The following LRBA variants were observed in gnomAD, a reference collection of about 807,000 sequenced individuals.
The protein encoded by LRBA is LPS responsive beige-like anchor protein.
LRBA carries 176 observed loss-of-function variants against 330.0 expected under a neutral mutation model. The ratio of observed to expected loss-of-function variants is 0.53; its 90% CI spans 0.47 to 0.60. The LOEUF (loss-of-function observed/expected upper bound fraction) is 0.60. LRBA is among the 20% of genes least tolerant of loss of function. The probability of loss-of-function intolerance (pLI) is 0.00; values close to 1 mark genes in which losing one functional copy is unlikely to be tolerated. For synonymous variants in LRBA, 1,230 were observed against 1,193.0 expected, an observed-to-expected ratio of 1.03 and a Z score of -0.64; for missense variants, 3,259 against 3,444.8, an observed-to-expected ratio of 0.95 and a Z score of 1.35.
At chr4:150,597,304 G>T (rs955029326) in intron 38 of LRBA, among the ~76,000 whole-genome samples, 1 of 151,712 alleles carries the variant, frequency 6.6e-6, no homozygotes, top group Non-Finnish European at 1.5e-5. Flanking sequence ...ATGATTTTAA[G>T]AGCTCAACAA....
intron 2 of LRBA, among the ~76,000 whole-genome samples, chr4:150,996,372 A>G (rs770657108): frequency 2.0e-5 from 3 of 152,182 alleles, no homozygotes; most frequent in Non-Finnish European, 2.9e-5. Flanking sequence ...CCTCAGACTA[A>G]GGTATTGCCT....
chr4:150,316,970 C>T (rs972098869), intron 50 of LRBA, among the ~76,000 whole-genome samples: 11 of 152,074 alleles, frequency 7.2e-5, no homozygotes, highest in African/African-American at 2.7e-4. Context: ...ATTTTTACAC[C>T]AAATATGAGT....
chr4:150,285,936 G>A lies in LRBA; in HGVS notation c.8116C>T (p.Gln2706Ter). Residue 2706 changes from glutamine to a stop codon, truncating the protein, a stop_gained, in exon 54 of 57, where the codon CAA becomes TAA. Transcript: ENST00000651943. LOFTEE classifies it high-confidence loss of function. ...TGTGAAGGTACCACAGGTTTACCTT[G>A]TGAACCACTCAACACCAGGCCTAGC... ...AELGLVLSGS[Q>*]EGPCLIHSMN... is the part of the protein sequence containing the mutation. 6.4e-7 allele frequency: 1 copy of A among 1,565,486 alleles called. No homozygotes were observed. Among genetic ancestry groups the A allele is most frequent in the Non-Finnish European group, 8.6e-7 (1 of 1,160,240 alleles).
chr4:150,391,921 A>C (rs953945833), intron 47 of LRBA, among the ~76,000 whole-genome samples: 5 of 145,052 alleles, frequency 3.4e-5, no homozygotes, highest in African/African-American at 1.0e-4. Flanking sequence ...CTGTCATCTG[A>C]GTAACATAAA....
Position 150,490,945 on chromosome 4 carries a change from C to T in LRBA, c.6421G>A (p.Ala2141Thr), listed in dbSNP as rs1430389442. Residue 2141 changes from alanine to threonine, a missense_variant, in exon 41 of 57, where the codon GCC becomes ACC. By Grantham distance (58) the Ala-to-Thr change is moderately conservative. Coordinates refer to ENST00000651943, the MANE Select transcript of LRBA (RefSeq NM_001364905.1). ...FSRRYLLQNT[A>T]LEIFMANRVA... The stretch of plus-strand genomic sequence containing the variant: ...CTGTTTGCCATAAAGATCTCCAGGG[C>T]TGTATTTTGCAAAAGATAACGACGA... The T allele has an allele frequency of 1.2e-6, 2 of 1,607,550 alleles. No homozygotes were observed. The highest frequency in any genetic ancestry group is 1.3e-5 in the African/African-American group (1 of 74,754).
Position 150,270,172 on chromosome 4 carries a change from T to C in LRBA, c.8469-4360A>G, listed in dbSNP as rs528982528. ...AACACTTTAGGGTTTCCTCAAAAAG[T>C]CAAACGGAATTGCCATATAACCCAG... On this transcript the variant is annotated intron_variant, in intron 56 of 56. Coordinates refer to ENST00000651943, the MANE Select transcript of LRBA (RefSeq NM_001364905.1). 2.0e-5 allele frequency among the ~76,000 whole-genome samples: 3 copies of C among 152,136 alleles called. No individual in the cohort carries two copies. In the South Asian group the frequency reaches 6.2e-4, roughly 32 times the overall value.
At chr4:150,665,581 T>C (rs1014244382) in intron 37 of LRBA, among the ~76,000 whole-genome samples, 2 of 152,178 alleles carry the variant, frequency 1.3e-5, no homozygotes, top group African/African-American at 4.8e-5. Flanking sequence ...CTACAACCAC[T>C]GGTCTAATTT....
intron 26 of LRBA, among the ~76,000 whole-genome samples, chr4:150,845,513 C>T (rs1187597698): frequency 6.6e-6 from 1 of 152,128 alleles, no homozygotes; most frequent in African/African-American, 2.4e-5. Context: ...CTATGAATTG[C>T]TTGATACCAT....
Position 150,647,982 on chromosome 4 carries a change from G to A in LRBA, c.5921+35569C>T, listed in dbSNP as rs190562887. 6.7e-3 allele frequency among the ~76,000 whole-genome samples: 1,008 copies of A among 151,196 alleles called. 3 individuals carry two copies. Among genetic ancestry groups the A allele is most frequent in the Non-Finnish European group, 0.011 (739 of 67,746 alleles). Reference sequence around the variant, plus strand: ...TGTTTACTATATTCAATTATCCAGTGAGTAACTTGTAATTCAATGTTCTGA... The same window carrying A: ...TGTTTACTATATTCAATTATCCAGTAAGTAACTTGTAATTCAATGTTCTGA... On this transcript the variant is annotated intron_variant, in intron 37 of 56. Coordinates refer to ENST00000651943, the MANE Select transcript of LRBA (RefSeq NM_001364905.1).
chr4:150,395,565 T>G (rs1056624550), intron 47 of LRBA, among the ~76,000 whole-genome samples: 7 of 152,292 alleles, frequency 4.6e-5, no homozygotes, highest in Non-Finnish European at 8.8e-5. Context: ...ATCTTCCTAA[T>G]GAATAAATTA....
chr4:150,948,108 T>C (rs1736429375), intron 2 of LRBA, among the ~76,000 whole-genome samples: 1 of 152,034 alleles, frequency 6.6e-6, no homozygotes, highest in Admixed American at 6.6e-5. Flanking sequence ...AGCAAGACTT[T>C]TGCAGATATA....
rs151279775 is a variant in LRBA, at chr4:150,965,424, A to G, written c.217-36359T>C. Among the ~76,000 whole-genome samples, 541 of 152,350 alleles carry G rather than the reference A, an allele frequency of 3.6e-3. 1 individual carries two copies. The highest frequency in any genetic ancestry group is 0.01 in the Middle Eastern group (3 of 294). ...TCTGTACAATGAACAAGTGAAACAT[A>G]CAAGTATTTACATTAGTTTATAAAA... On this transcript the variant is annotated intron_variant, in intron 2 of 56. Coordinates refer to ENST00000651943, the MANE Select transcript of LRBA (RefSeq NM_001364905.1).
At chr4:150,964,978 C>T (rs1055809944) in intron 2 of LRBA, among the ~76,000 whole-genome samples, 1 of 152,132 alleles carries the variant, frequency 6.6e-6, no homozygotes, top group Admixed American at 6.5e-5. Context: ...CTGGCAAAAA[C>T]CACAGCTGCT....
intron 31 of LRBA, among the ~76,000 whole-genome samples, chr4:150,810,130 A>T (rs1484127197): frequency 2.0e-5 from 3 of 152,142 alleles, no homozygotes; most frequent in Non-Finnish European, 4.4e-5. Context: ...GCAATTTTGA[A>T]CTTTCCTGAA....
At chr4:150,922,394 G>GGATATATA (rs370959649) in intron 4 of LRBA, among the ~76,000 whole-genome samples, 2 of 139,708 alleles carry the variant, frequency 1.4e-5, no homozygotes, top group Non-Finnish European at 3.1e-5. Context: ...AGAAACTGTG[G>GGATATATA]TATATATATA....
chr4:150,893,434 T>C (rs1049543686), intron 16 of LRBA, among the ~76,000 whole-genome samples: 3 of 152,148 alleles, frequency 2.0e-5, no homozygotes, highest in East Asian at 1.9e-4. Flanking sequence ...CACTGCAACC[T>C]CTGCCTCCCA....
chr4:150,644,648 A>G (rs1778966952), intron 37 of LRBA, among the ~76,000 whole-genome samples: 1 of 151,954 alleles, frequency 6.6e-6, no homozygotes, highest in Non-Finnish European at 1.5e-5. Context: ...GATGTTACCT[A>G]CATAATGTTC....
chr4:150,374,153 T>C (rs1012513619), intron 47 of LRBA, among the ~76,000 whole-genome samples: 10 of 152,200 alleles, frequency 6.6e-5, no homozygotes, highest in Admixed American at 6.5e-4. Flanking sequence ...CTCTCCCTTT[T>C]ATGTACGGAT....
intron 55 of LRBA, among the ~76,000 whole-genome samples, chr4:150,279,335 T>G (rs991441233): frequency 3.9e-5 from 6 of 152,158 alleles, no homozygotes; most frequent in African/African-American, 1.4e-4. Flanking sequence ...GCCTGGTACC[T>G]CCAAGCCTTG....
Sources: gnomAD v4.1 joint callset for allele counts (sites outside exome capture counted in the v4.1 genomes callset) on GRCh38, gnomAD v4.1.1 for gene constraint, MANE v1.5 for transcripts, NCBI Gene and HGNC (gene_info 2026-07-23, HGNC 2026-07-21) for gene names.